The following PCDH15 variants were observed in gnomAD, a reference collection of about 807,000 sequenced individuals.
The protein encoded by PCDH15 is protocadherin-15.
PCDH15 carries 129 observed loss-of-function variants against 178.5 expected under a neutral mutation model. That is an observed-to-expected ratio of 0.72 (90% CI 0.63 to 0.84). The LOEUF is 0.84. Among genes scored for constraint, PCDH15 ranks in the 40% least tolerant of loss-of-function variants. PCDH15 has a pLI of 0.00. For synonymous variants in PCDH15, 800 were observed against 732.0 expected (o/e 1.09, Z -1.50); for missense variants, 2,230 against 2,099.9 (o/e 1.06, Z -1.21).
At chr10:54,811,770 G>A (rs1401871294) in intron 3 of PCDH15, among the ~76,000 whole-genome samples, 1 of 152,122 alleles carries the variant, frequency 6.6e-6, no homozygotes, top group Non-Finnish European at 1.5e-5. Context: ...CACCTGGCCA[G>A]TTATAGCTAA....
chr10:53,926,703 G>A (rs1187990775), intron 25 of PCDH15, among the ~76,000 whole-genome samples: 1 of 152,136 alleles, frequency 6.6e-6, no homozygotes, highest in Admixed American at 6.5e-5. Flanking sequence ...CAAGGGCCAT[G>A]GTCACTCATA....
intron 2 of PCDH15, among the ~76,000 whole-genome samples, chr10:54,661,043 T>A (rs535016581): frequency 6.6e-6 from 1 of 151,862 alleles, no homozygotes; most frequent in African/African-American, 2.4e-5. Flanking sequence ...GGATGGCCAC[T>A]CTCAGCAATC....
Position 55,393,391 on chromosome 10 carries a change from C to A in PCDH15, c.-155-226740G>T, listed in dbSNP as rs80200753. 6.6e-3 allele frequency among the ~76,000 whole-genome samples: 1,012 copies of A among 152,218 alleles called. 15 individuals are homozygous for A. Among genetic ancestry groups the A allele is most frequent in the African/African-American group, 0.023 (962 of 41,534 alleles). ...AGCAGAATCTCTAGAACTGGTGGAA[C>A]TAAAGCCTAAGCAAAATTTGTTGTT... On this transcript the variant is annotated intron_variant, in intron 2 of 5. Coordinates refer to the PCDH15 transcript ENST00000613346.
At chr10:55,166,231 ACTT>A (rs1839193110) in intron 2 of PCDH15, among the ~76,000 whole-genome samples, 1 of 152,126 alleles carries the variant, frequency 6.6e-6, no homozygotes. Flanking sequence ...TGTGTCTACT[ACTT>A]TACTGCCAGA....
intron 25 of PCDH15, among the ~76,000 whole-genome samples, chr10:53,925,474 C>T (rs141701522): frequency 2.6e-5 from 4 of 152,194 alleles, no homozygotes; most frequent in African/African-American, 7.2e-5. Flanking sequence ...TAACACTCAC[C>T]GCGAGGGTCC....
At chr10:54,055,415 A>G (rs959947284) in intron 18 of PCDH15, among the ~76,000 whole-genome samples, 7 of 152,224 alleles carry the variant, frequency 4.6e-5, no homozygotes, top group African/African-American at 1.7e-4. Context: ...AGCTTACTCT[A>G]TATTATACAA....
intron 25 of PCDH15, among the ~76,000 whole-genome samples, chr10:53,930,859 A>G (rs894309220): frequency 3.3e-5 from 5 of 152,212 alleles, no homozygotes; most frequent in Admixed American, 2.0e-4. Flanking sequence ...CTTCCTTGGC[A>G]ATACTTGTTT....
chr10:54,422,704 A>C (rs2135863899), intron 3 of PCDH15, among the ~76,000 whole-genome samples: 1 of 152,250 alleles, frequency 6.6e-6, no homozygotes, highest in Non-Finnish European at 1.5e-5. Flanking sequence ...ACAAATATAA[A>C]GTAACCACTC....
chr10:54,756,525 T>C (rs535225118), intron 1 of PCDH15, among the ~76,000 whole-genome samples: 1 of 152,338 alleles, frequency 6.6e-6, no homozygotes, highest in South Asian at 2.1e-4. Flanking sequence ...TAAAAATCTG[T>C]ACCCTAATGA....
chr10:54,518,618 A>G (rs1272271513), intron 3 of PCDH15, among the ~76,000 whole-genome samples: 3 of 152,344 alleles, frequency 2.0e-5, no homozygotes, highest in Non-Finnish European at 2.9e-5. Flanking sequence ...TCACAGCCGA[A>G]TTCTACCAGA....
chr10:53,944,551 T>G (rs764864110), intron 23 of PCDH15, among the ~76,000 whole-genome samples: 7 of 152,330 alleles, frequency 4.6e-5, no homozygotes, highest in Non-Finnish European at 8.8e-5. Context: ...CTCTTCCAAT[T>G]TAAGCTTTTC....
At chr10:54,346,111 C>A (rs1943237004) in intron 6 of PCDH15, among the ~76,000 whole-genome samples, 1 of 152,186 alleles carries the variant, frequency 6.6e-6, no homozygotes, top group South Asian at 2.1e-4. Context: ...ACAAACATAA[C>A]AGAAATTTAG....
At chr10:54,521,146 G>T (rs2082818785) in intron 3 of PCDH15, among the ~76,000 whole-genome samples, 1 of 151,668 alleles carries the variant, frequency 6.6e-6, no homozygotes, top group Admixed American at 6.6e-5. Context: ...ACACCAACAT[G>T]GCACATGTAT....
chr10:54,083,218 T>C (rs2094462468), intron 16 of PCDH15, among the ~76,000 whole-genome samples: 1 of 152,218 alleles, frequency 6.6e-6, no homozygotes, highest in African/African-American at 2.4e-5. Flanking sequence ...GGAAAATATT[T>C]GACAGTTCCT....
chr10:54,320,417 G>A (rs2061524758), intron 7 of PCDH15, among the ~76,000 whole-genome samples: 1 of 151,864 alleles, frequency 6.6e-6, no homozygotes, highest in African/African-American at 2.4e-5. Flanking sequence ...ACTCCCATAT[G>A]TATATCAACC....
chr10:54,068,591 G>A (rs2094181307), intron 17 of PCDH15, among the ~76,000 whole-genome samples: 1 of 152,012 alleles, frequency 6.6e-6, no homozygotes, highest in Admixed American at 6.6e-5. Flanking sequence ...TAAGTTTCTA[G>A]AACATAAATA....
intron 25 of PCDH15, among the ~76,000 whole-genome samples, chr10:53,919,241 G>T (rs2083790378): frequency 6.6e-6 from 1 of 152,064 alleles, no homozygotes; most frequent in Admixed American, 6.6e-5. Context: ...AAGAGAAGGG[G>T]GCATCATTCT....
intron 3 of PCDH15, among the ~76,000 whole-genome samples, chr10:54,821,808 C>T (rs537415084): frequency 6.6e-6 from 1 of 152,120 alleles, no homozygotes; most frequent in Non-Finnish European, 1.5e-5. Flanking sequence ...CACCAAGTTT[C>T]ATTTTGTAGG....
At chr10:55,052,888 A>G (rs1035558001) in intron 2 of PCDH15, among the ~76,000 whole-genome samples, 1 of 152,212 alleles carries the variant, frequency 6.6e-6, no homozygotes, top group East Asian at 1.9e-4. Context: ...CTTAATAGAA[A>G]GAGCATCACA....
Sources: allele counts gnomAD v4.1 joint callset (sites outside exome capture counted in the v4.1 genomes callset), GRCh38; gene constraint gnomAD v4.1.1; transcripts MANE v1.5; gene names NCBI Gene and HGNC (gene_info 2026-07-23, HGNC 2026-07-21).